The following MIB1 variants were observed in gnomAD, a reference collection of about 807,000 sequenced individuals.
MIB1 encodes MIB E3 ubiquitin protein ligase 1.
Under a neutral mutation model 124.5 loss-of-function variants are expected in MIB1, and 278 were observed. The observed-to-expected ratio is 2.23, with a 90% CI of 2.02 to 2.47. The LOEUF is 2.47. MIB1 is among the 30% of genes most tolerant of loss of function. The probability of loss-of-function intolerance (pLI) is 0.00; values close to 1 mark genes in which losing one functional copy is unlikely to be tolerated. For missense variants in MIB1, 957 were observed against 1,254.4 expected (o/e 0.76, Z 3.58); for synonymous variants, 446 against 429.4 (o/e 1.04, Z -0.48).
intron 4 of MIB1, among the ~76,000 whole-genome samples, chr18:21,775,316 T>C (rs1025465015): frequency 6.6e-6 from 1 of 152,170 alleles, no homozygotes; most frequent in Non-Finnish European, 1.5e-5. Context: ...CATAGTTCAC[T>C]GAAGTCCTGA....
chr18:21,744,974 T>C (rs1282366730), intron 1 of MIB1, among the ~76,000 whole-genome samples: 3 of 152,198 alleles, frequency 2.0e-5, no homozygotes, highest in African/African-American at 7.2e-5. Context: ...AATAACACTT[T>C]AAAAGTCACT....
At chr18:21,832,251 T>G (rs541595750) in intron 12 of MIB1, among the ~76,000 whole-genome samples, 1 of 152,296 alleles carries the variant, frequency 6.6e-6, no homozygotes, top group South Asian at 2.1e-4. Flanking sequence ...GAATTCTACT[T>G]TATATTCAAA....
chr18:21,844,188 C>T lies in MIB1; in HGVS notation c.2146C>T (p.Arg716Cys), dbSNP rs2042115911. 2.5e-6 allele frequency: 4 copies of T among 1,613,988 alleles called. No homozygotes were observed. The highest frequency in any genetic ancestry group is 1.1e-5 in the South Asian group (1 of 91,078). ...AAGGCATCACACTTTGTCTCAGCTA[C>T]GTCAGCTCCAAGATATGCAAGATGT... ...ALRHHTLSQL[R>C]QLQDMQDVGK... The change falls in exon 15 of 21, where the codon CGT becomes TGT. Residue 716 changes from arginine to cysteine, a missense_variant. Arg to Cys is a radical substitution (Grantham distance 180). Coordinates refer to ENST00000261537, the MANE Select transcript of MIB1 (RefSeq NM_020774.4).
At chr18:21,792,191 C>T (rs531286114) in intron 7 of MIB1, among the ~76,000 whole-genome samples, 1 of 152,142 alleles carries the variant, frequency 6.6e-6, no homozygotes, top group African/African-American at 2.4e-5. Context: ...CTTCCTCCTC[C>T]ACCTTGCTGT....
At chr18:21,742,926 G>A (rs1289230731) in intron 1 of MIB1, among the ~76,000 whole-genome samples, 1 of 152,054 alleles carries the variant, frequency 6.6e-6, no homozygotes, top group African/African-American at 2.4e-5. Context: ...TCCTTAGCTG[G>A]CTTTTTAAAA....
chr18:21,840,669 T>A (rs77811819), intron 13 of MIB1, among the ~76,000 whole-genome samples: 3 of 7,020 alleles, frequency 4.3e-4, no homozygotes, highest in African/African-American at 5.4e-4. Context: ...ATATATATTT[T>A]TTTTTTTTTT....
intron 1 of MIB1, among the ~76,000 whole-genome samples, chr18:21,730,859 A>C (rs1007012605): frequency 6.6e-6 from 1 of 152,140 alleles, no homozygotes; most frequent in South Asian, 2.1e-4. Flanking sequence ...ATAAATTTCA[A>C]CAGTCTTGCA....
At chr18:21,726,361 T>C (rs1251418369) in intron 1 of MIB1, among the ~76,000 whole-genome samples, 1 of 152,040 alleles carries the variant, frequency 6.6e-6, no homozygotes, top group African/African-American at 2.4e-5. Context: ...GAAACCAGCC[T>C]GGGCAACATA....
chr18:21,758,496 T>C (rs1303877652), intron 1 of MIB1, among the ~76,000 whole-genome samples: 8 of 152,204 alleles, frequency 5.3e-5, no homozygotes, highest in Non-Finnish European at 1.0e-4. Context: ...TCAACAGTTA[T>C]GCCACAATAA....
At chr18:21,707,025 G>A (rs2040641845) in intron 1 of MIB1, among the ~76,000 whole-genome samples, 1 of 152,246 alleles carries the variant, frequency 6.6e-6, no homozygotes, top group South Asian at 2.1e-4. Context: ...CTAAGGGATT[G>A]TAAATACACC....
Position 21,781,773 on chromosome 18 carries a change from A to G in MIB1, c.908+2088A>G, listed in dbSNP as rs539899937. ...GTTGTTTATGTCCAATAATTTATCT[A>G]TTTCTTCTAGATTTTTCAATTTGTT... On this transcript the variant is annotated intron_variant, in intron 6 of 20. Transcript: ENST00000261537. Among the ~76,000 whole-genome samples the G allele has an allele frequency of 4.0e-5, 6 of 151,772 alleles. No homozygotes were observed. The South Asian group carries it at 6.2e-4, about 16-fold the overall frequency.
chr18:21,757,725 A>G (rs2041050667), intron 1 of MIB1, among the ~76,000 whole-genome samples: 1 of 151,676 alleles, frequency 6.6e-6, no homozygotes, highest in South Asian at 2.1e-4. Flanking sequence ...ACCTCAAGCG[A>G]TCCACCCACC....
rs1422033572 is a variant in MIB1, at chr18:21,870,793, A to G, written c.*6127A>G. On this transcript the variant is annotated 3_prime_UTR_variant, in exon 21 of 21. Transcript: ENST00000261537. ...AAAAAATATCTTTTGTTTATTTGAA[A>G]AAAGCATATATATTCCAACTTTAAA... 1 of 152,230 alleles carries G rather than the reference A, an allele frequency of 6.6e-6. No individual in the cohort carries two copies. Among genetic ancestry groups the G allele is most frequent in the African/African-American group, 2.4e-5 (1 of 41,464 alleles). The allele number at this position is 152,230 out of a possible 1,614,324, so 9.4% of individuals were successfully genotyped here.
intron 1 of MIB1, among the ~76,000 whole-genome samples, chr18:21,753,734 T>C (rs1314366642): frequency 6.6e-6 from 1 of 152,050 alleles, no homozygotes; most frequent in Admixed American, 6.6e-5. Context: ...TGGAGTGCAG[T>C]GGCGCGATCT....
intron 10 of MIB1, among the ~76,000 whole-genome samples, chr18:21,806,730 T>G (rs2041712313): frequency 6.6e-6 from 1 of 151,972 alleles, no homozygotes; most frequent in Non-Finnish European, 1.5e-5. Context: ...TTCACGCCAT[T>G]CTCCCGCCTC....
At chr18:21,834,041 C>T (rs1229871837) in intron 12 of MIB1, among the ~76,000 whole-genome samples, 1 of 152,142 alleles carries the variant, frequency 6.6e-6, no homozygotes, top group African/African-American at 2.4e-5. Flanking sequence ...TTCCCAGTAA[C>T]TCTACGGACC....
At chr18:21,732,651 G>A (rs905052623) in intron 1 of MIB1, among the ~76,000 whole-genome samples, 4 of 151,946 alleles carry the variant, frequency 2.6e-5, no homozygotes, top group Non-Finnish European at 4.4e-5. Flanking sequence ...CTCCCACCTT[G>A]GCCTCCCAAA....
chr18:21,808,910 A>T (rs2041739383), intron 10 of MIB1, among the ~76,000 whole-genome samples: 1 of 152,048 alleles, frequency 6.6e-6, no homozygotes, highest in Admixed American at 6.6e-5. Flanking sequence ...TTATAAGGAC[A>T]TTTGGGGTAG....
intron 12 of MIB1, among the ~76,000 whole-genome samples, chr18:21,837,234 C>T (rs183398542): frequency 2.6e-5 from 4 of 152,278 alleles, no homozygotes; most frequent in African/African-American, 7.2e-5. Flanking sequence ...AAAGGCCGGG[C>T]GCAGTGGCTC....
Sources: gnomAD v4.1 joint callset for allele counts (sites outside exome capture counted in the v4.1 genomes callset) on GRCh38, gnomAD v4.1.1 for gene constraint, MANE v1.5 for transcripts, NCBI Gene and HGNC (gene_info 2026-07-23, HGNC 2026-07-21) for gene names.